ZBTB20: variants seen among roughly 807,000 people sequenced by gnomAD.
ZBTB20 encodes the protein zinc finger and BTB domain-containing protein 20.
A neutral mutation model predicts 56.9 loss-of-function variants in ZBTB20; 9 were observed. The observed-to-expected ratio is 0.16, with a 90% CI of 0.10 to 0.28. ZBTB20 has a LOEUF of 0.28. ZBTB20 is among the 10% of genes least tolerant of loss of function. The pLI is 1.00. For missense variants in ZBTB20, 655 were observed against 1,003.0 expected, an observed-to-expected ratio of 0.65 and a Z score of 4.69; for synonymous variants, 417 against 420.7, an observed-to-expected ratio of 0.99 and a Z score of 0.11.
Position 114,787,368 on chromosome 3 carries a change from T to TAC in ZBTB20, c.-343+13731_-343+13732dup, listed in dbSNP as rs1300106922. Among the ~76,000 whole-genome samples, 137 of 106,298 alleles carry TAC rather than the reference T, an allele frequency of 1.3e-3. 4 individuals carry two copies. The highest frequency in any genetic ancestry group is 5.9e-3 in the African/African-American group (131 of 22,038). The allele number at this position is 106,298 out of a possible 152,430, so 69.7% of individuals were successfully genotyped here. On this transcript the variant is annotated intron_variant, in intron 5 of 11. Coordinates refer to ENST00000675478, the MANE Select transcript of ZBTB20 (RefSeq NM_001348800.3). ...ATATATATATATATATATATATATA[T>TAC]ACACACACACACACACACACACACA...
intron 10 of ZBTB20, among the ~76,000 whole-genome samples, chr3:114,374,898 G>A (rs1047057178): frequency 2.6e-5 from 4 of 152,122 alleles, no homozygotes; most frequent in Non-Finnish European, 5.9e-5. Context: ...GTTTTTGGAA[G>A]GTTTTACACT....
At chr3:114,605,162 ATAAT>A (rs2057047866) in intron 6 of ZBTB20, among the ~76,000 whole-genome samples, 1 of 152,130 alleles carries the variant, frequency 6.6e-6, no homozygotes, top group Non-Finnish European at 1.5e-5. Context: ...ACAGTGCATT[ATAAT>A]TAATAATAAA....
At chr3:114,417,293 CT>C (rs2088665386) in intron 7 of ZBTB20, among the ~76,000 whole-genome samples, 1 of 152,038 alleles carries the variant, frequency 6.6e-6, no homozygotes, top group Non-Finnish European at 1.5e-5. Flanking sequence ...CACATTTGCA[CT>C]TAATTACTTC....
At chr3:114,801,267 G>A (rs1264285738) in intron 4 of ZBTB20, 93 bp from the exon 5 acceptor site, 1 of 137,298 alleles carries the variant, frequency 7.3e-6, no homozygotes, top group Non-Finnish European at 1.5e-5. Flanking sequence ...ACCATCCAAA[G>A]CAATGCATTA....
chr3:114,388,936 C>CTGTG (rs146450365), intron 8 of ZBTB20, 69 bp downstream of exon 8: 5 of 151,436 alleles, frequency 3.3e-5, no homozygotes, highest in East Asian at 1.9e-4. Context: ...TCACAATTTT[C>CTGTG]TGTGTGTGTG....
At chr3:114,593,696 G>A (rs2056032321) in intron 6 of ZBTB20, among the ~76,000 whole-genome samples, 2 of 152,016 alleles carry the variant, frequency 1.3e-5, no homozygotes, top group Non-Finnish European at 1.5e-5. Context: ...GGAGATTTTG[G>A]AATAAAGGTG....
chr3:114,573,013 T>C (rs2053603108), intron 6 of ZBTB20, among the ~76,000 whole-genome samples: 1 of 152,244 alleles, frequency 6.6e-6, no homozygotes, highest in Non-Finnish European at 1.5e-5. Flanking sequence ...TAGATTTGCA[T>C]ATTTTCATAA....
At chr3:114,761,652 T>C (rs1038859885) in intron 5 of ZBTB20, among the ~76,000 whole-genome samples, 6 of 151,892 alleles carry the variant, frequency 4.0e-5, no homozygotes, top group Non-Finnish European at 5.9e-5. Flanking sequence ...CTGGCCAACA[T>C]GGTGAAATCC....
At chr3:114,834,484 G>T (rs1373087538) in intron 4 of ZBTB20, among the ~76,000 whole-genome samples, 1 of 152,080 alleles carries the variant, frequency 6.6e-6, no homozygotes, top group Non-Finnish European at 1.5e-5. Flanking sequence ...CTGTCAGCAA[G>T]AATTTTTAAG....
intron 6 of ZBTB20, among the ~76,000 whole-genome samples, chr3:114,653,947 T>C (rs2060262916): frequency 6.8e-6 from 1 of 146,988 alleles, no homozygotes; most frequent in African/African-American, 2.4e-5. Context: ...AATATTGTTA[T>C]GATATGTAAT....
At chr3:114,827,200 A>T (rs1038000436) in intron 4 of ZBTB20, among the ~76,000 whole-genome samples, 3 of 151,770 alleles carry the variant, frequency 2.0e-5, no homozygotes, top group African/African-American at 7.2e-5. Flanking sequence ...CTTTGTAAAC[A>T]TCTCTCTAAA....
chr3:114,414,165 A>G (rs947301842), intron 7 of ZBTB20, among the ~76,000 whole-genome samples: 1 of 152,144 alleles, frequency 6.6e-6, no homozygotes, highest in Non-Finnish European at 1.5e-5. Flanking sequence ...AGTACCTCAG[A>G]CTATAATGTA....
At chr3:115,071,673 A>T (rs1318929481) in intron 1 of ZBTB20, among the ~76,000 whole-genome samples, 1 of 152,156 alleles carries the variant, frequency 6.6e-6, no homozygotes, top group African/African-American at 2.4e-5. Context: ...CTTTGGGTAC[A>T]GTTTGTTTCC....
intron 4 of ZBTB20, among the ~76,000 whole-genome samples, chr3:114,878,581 A>G (rs1345228213): frequency 6.7e-6 from 1 of 150,210 alleles, no homozygotes; most frequent in Non-Finnish European, 1.5e-5. Context: ...GAATTAAAAA[A>G]AAAAAAAAAA....
chr3:114,624,599 C>T (rs1024830839), intron 6 of ZBTB20, among the ~76,000 whole-genome samples: 12 of 152,186 alleles, frequency 7.9e-5, no homozygotes, highest in Non-Finnish European at 1.3e-4. Flanking sequence ...TAAGCAATTT[C>T]AACAGTGTCA....
intron 4 of ZBTB20, among the ~76,000 whole-genome samples, chr3:114,825,146 T>C (rs2073457907): frequency 6.6e-6 from 1 of 151,948 alleles, no homozygotes; most frequent in African/African-American, 2.4e-5. Context: ...GATCATCATA[T>C]CTAAACATTG....
intron 4 of ZBTB20, among the ~76,000 whole-genome samples, chr3:114,850,669 A>T (rs2074956376): frequency 6.6e-6 from 1 of 152,226 alleles, no homozygotes; most frequent in South Asian, 2.1e-4. Context: ...CTCCAGAGTC[A>T]AAGTGTAATC....
intron 4 of ZBTB20, among the ~76,000 whole-genome samples, chr3:114,862,445 T>A (rs549442370): frequency 6.6e-6 from 1 of 152,114 alleles, no homozygotes; most frequent in Non-Finnish European, 1.5e-5. Context: ...TCAAATTTTG[T>A]TTTGGGATAT....
chr3:114,470,399 T>C (rs1216520280), intron 7 of ZBTB20, among the ~76,000 whole-genome samples: 1 of 152,160 alleles, frequency 6.6e-6, no homozygotes, highest in African/African-American at 2.4e-5. Context: ...CCATGTTTTA[T>C]AGTAGTTAGT....
Sources: gnomAD v4.1 joint callset for allele counts (sites outside exome capture counted in the v4.1 genomes callset) on GRCh38, gnomAD v4.1.1 for gene constraint, MANE v1.5 for transcripts, NCBI Gene and HGNC (gene_info 2026-07-23, HGNC 2026-07-21) for gene names.